ATOSA: variants seen among roughly 807,000 people sequenced by gnomAD.
ATOSA encodes the protein atos homolog A, also known as atos homolog protein A.
the ATOSA span, among the ~76,000 whole-genome samples, chr15:52,699,929 C>T: frequency 3.3e-5 from 5 of 152,148 alleles, no homozygotes; most frequent in African/African-American, 9.6e-5. Context: ...GATTTCCAAA[C>T]CTGAAGATTA....
At chr15:52,666,854 G>A in the ATOSA span, among the ~76,000 whole-genome samples, 1 of 152,054 alleles carries the variant, frequency 6.6e-6, no homozygotes, top group East Asian at 1.9e-4. Context: ...ACAATGTAAG[G>A]ACTATGAAGA....
At chr15:52,685,952 C>G in the ATOSA span, among the ~76,000 whole-genome samples, 1 of 152,200 alleles carries the variant, frequency 6.6e-6, no homozygotes, top group Non-Finnish European at 1.5e-5. Context: ...GTCTCAAACT[C>G]CTGGACTCAC....
the ATOSA span, chr15:52,651,868 A>T: frequency 3.6e-5 from 55 of 1,535,314 alleles, no homozygotes; most frequent in Non-Finnish European, 4.6e-5. Flanking sequence ...TTCACTACAC[A>T]CCTTCTCTGT....
At chr15:52,609,320 T>C in the ATOSA span, 1 of 1,614,034 alleles carries the variant, frequency 6.2e-7, no homozygotes, top group South Asian at 1.1e-5. Flanking sequence ...TTATTTTTCT[T>C]CAACAAATTT....
At chr15:52,667,912 C>G in the ATOSA span, among the ~76,000 whole-genome samples, 49 of 152,052 alleles carry the variant, frequency 3.2e-4, 1 homozygote, top group Non-Finnish European at 7.4e-5. Context: ...CAAAAGAAAA[C>G]AAGTGTTGGC....
At chr15:52,643,992 A>AT in the ATOSA span, among the ~76,000 whole-genome samples, 1 of 152,146 alleles carries the variant, frequency 6.6e-6, no homozygotes, top group South Asian at 2.1e-4. Flanking sequence ...GTCTTTAAAA[A>AT]TATTATTTGG....
chr15:52,582,484 T>C, the ATOSA span, among the ~76,000 whole-genome samples: 7 of 152,250 alleles, frequency 4.6e-5, no homozygotes, highest in East Asian at 3.8e-4. Context: ...TTTATTTAAA[T>C]GCTGCTCTCT....
At chr15:52,620,077 C>G in the ATOSA span, among the ~76,000 whole-genome samples, 1 of 152,060 alleles carries the variant, frequency 6.6e-6, no homozygotes, top group East Asian at 1.9e-4. Flanking sequence ...TCTTCTGGTT[C>G]TGGAGTGTAG....
At chr15:52,609,357 T>G in the ATOSA span, 6 of 1,613,838 alleles carry the variant, frequency 3.7e-6, no homozygotes, top group African/African-American at 8.0e-5. Context: ...TCCTAAACAC[T>G]TTAGATGCAA....
chr15:52,645,002 A>G, the ATOSA span, among the ~76,000 whole-genome samples: 3 of 152,260 alleles, frequency 2.0e-5, no homozygotes, highest in Non-Finnish European at 4.4e-5. Context: ...GAGTAGAAAA[A>G]AGAAGTATTT....
At chr15:52,619,174 G>C in the ATOSA span, among the ~76,000 whole-genome samples, 1 of 152,138 alleles carries the variant, frequency 6.6e-6, no homozygotes, top group African/African-American at 2.4e-5. Context: ...TGTCAAGAAT[G>C]TCTAATTTTA....
the ATOSA span, among the ~76,000 whole-genome samples, chr15:52,664,377 C>CG: frequency 1.3e-5 from 2 of 152,202 alleles, no homozygotes; most frequent in African/African-American, 4.8e-5. Flanking sequence ...AACTTGTTTT[C>CG]GTAGAAAGCT....
At chr15:52,676,346 A>T in the ATOSA span, among the ~76,000 whole-genome samples, 1 of 152,228 alleles carries the variant, frequency 6.6e-6, no homozygotes. Context: ...TTAATTGGTG[A>T]AGAAATCAAT....
At chr15:52,627,314 G>C in the ATOSA span, among the ~76,000 whole-genome samples, 1 of 152,102 alleles carries the variant, frequency 6.6e-6, no homozygotes, top group African/African-American at 2.4e-5. Context: ...TCTAATCGTT[G>C]ATTTCAGTTA....
the ATOSA span, among the ~76,000 whole-genome samples, chr15:52,620,288 A>G: frequency 1.3e-5 from 2 of 152,192 alleles, no homozygotes; most frequent in Non-Finnish European, 2.9e-5. Flanking sequence ...CGAGAGGTTC[A>G]ATTAGGCTTG....
the ATOSA span, among the ~76,000 whole-genome samples, chr15:52,601,869 A>T: frequency 6.6e-6 from 1 of 152,240 alleles, no homozygotes; most frequent in Non-Finnish European, 1.5e-5. Context: ...AACAGATGAC[A>T]CTGAAAATTT....
At chr15:52,637,726 A>AT in the ATOSA span, among the ~76,000 whole-genome samples, 1 of 152,182 alleles carries the variant, frequency 6.6e-6, no homozygotes, top group Non-Finnish European at 1.5e-5. Context: ...AAACTCTTAC[A>AT]TTTTTTAAAG....
At chr15:52,625,173 G>C in the ATOSA span, among the ~76,000 whole-genome samples, 9 of 152,032 alleles carry the variant, frequency 5.9e-5, no homozygotes, top group Non-Finnish European at 1.3e-4. Context: ...AAGGTACAAA[G>C]ACATCAACTT....
the ATOSA span, among the ~76,000 whole-genome samples, chr15:52,584,171 T>A: frequency 7.3e-6 from 1 of 137,724 alleles, no homozygotes; most frequent in Non-Finnish European, 1.5e-5. Context: ...TGAGATGGAG[T>A]CTCATTCTTG....
Sources: allele counts gnomAD v4.1 joint callset (sites outside exome capture counted in the v4.1 genomes callset), GRCh38; gene constraint gnomAD v4.1.1; transcripts MANE v1.5; gene names NCBI Gene and HGNC (gene_info 2026-07-23, HGNC 2026-07-21).